The following ARFGEF2 variants were observed in gnomAD, a reference collection of about 807,000 sequenced individuals.
The protein encoded by ARFGEF2 is brefeldin A-inhibited guanine nucleotide-exchange protein 2.
Under a neutral mutation model 219.9 loss-of-function variants are expected in ARFGEF2, and 74 were observed. That is an observed-to-expected ratio of 0.34 (90% CI 0.28 to 0.41). The LOEUF is 0.41. ARFGEF2 is among the 10% of genes least tolerant of loss of function. The probability of loss-of-function intolerance (pLI) is 1.00; values close to 1 mark genes in which losing one functional copy is unlikely to be tolerated. For missense variants in ARFGEF2, 1,743 were observed against 2,218.3 expected (o/e 0.79, Z 4.30); for synonymous variants, 733 against 799.2 (o/e 0.92, Z 1.40).
chr20:48,994,559 C>T lies in ARFGEF2; in HGVS notation c.3082C>T (p.His1028Tyr). 6.2e-7 allele frequency: 1 copy of T among 1,614,086 alleles called. No homozygotes were observed. Among genetic ancestry groups the T allele is most frequent in the Non-Finnish European group, 8.5e-7 (1 of 1,180,024 alleles). Residue 1028 changes from histidine (H) to tyrosine (Y), a missense_variant, in exon 22 of 39, where the codon CAC (histidine) becomes TAC (tyrosine). This residue lies in a region of ARFGEF2 where 666 missense variants were observed against 955.4 expected (regional missense o/e 0.70). Transcript: ENST00000371917. ...GREREGSLKG[H>Y]TLAGEEFMGL... ...TGAAAGAGAAGGGAGCCTGAAGGGC[C>T]ACACATTGGCAGGAGAAGAGTTCAT...
chr20:48,942,119 G>A (rs545687175), intron 3 of ARFGEF2, 132 bp downstream of exon 3: 31 of 1,264,828 alleles, frequency 2.5e-5, no homozygotes, highest in South Asian at 1.1e-4. Context: ...GCAGTTTAAC[G>A]TATTCTTTTT....
Position 48,972,368 on chromosome 20 carries a change from A to G in ARFGEF2, c.1468A>G (p.Thr490Ala), listed in dbSNP as rs757158875. The stretch of plus-strand genomic sequence containing the variant: ...TTTCCTGAACATTTTAGAAACATCA[A>G]CAAGTTCTTTTGAGCACAGGTGGAT... ...EIFLNILETS[T>A]SSFEHRWMVI... Residue 490 changes from threonine (T) to alanine (A), a missense_variant, in exon 11 of 39, where the codon ACA (threonine) becomes GCA (alanine). Transcript: ENST00000371917. 3.1e-6 allele frequency: 5 copies of G among 1,614,200 alleles called. No homozygotes were observed. The South Asian group carries it at 5.5e-5, about 18-fold the overall frequency.
rs182995773 is a variant in ARFGEF2 at position 48,952,573 on chromosome 20, A to G, written c.424-132A>G. On this transcript the variant is annotated intron_variant, in intron 4 of 38. Transcript: ENST00000371917. ...ATCACCTAGTTTAATTTGCAGAGCC[A>G]TCTTACAATTTATTTGAAAAAAGCA... 21 of 848,576 alleles carry G rather than the reference A, an allele frequency of 2.5e-5. No homozygotes were observed. The African/African-American group carries it at 3.0e-4, about 12-fold the overall frequency. The allele number at this position is 848,576 out of a possible 1,614,324, so 52.6% of individuals were successfully genotyped here.
chr20:48,998,138 G>A (rs2091403300), intron 23 of ARFGEF2, 55 bp from the exon 24 acceptor site: 47 of 1,561,508 alleles, frequency 3.0e-5, no homozygotes, highest in Non-Finnish European at 4.0e-5. Flanking sequence ...GAGATTACAG[G>A]TGTGAGCCAC....
intron 36 of ARFGEF2, among the ~76,000 whole-genome samples, chr20:49,026,241 G>A (rs2091601494): frequency 2.0e-5 from 3 of 152,066 alleles, no homozygotes; most frequent in Admixed American, 2.0e-4. Flanking sequence ...TGAGGTGGGA[G>A]AATCACTTGA....
At chr20:49,027,451 C>T (rs572897358) in intron 36 of ARFGEF2, among the ~76,000 whole-genome samples, 2 of 152,152 alleles carry the variant, frequency 1.3e-5, no homozygotes, top group Non-Finnish European at 2.9e-5. Context: ...AATCCCAGCA[C>T]TTTGGGAGGC....
Position 49,012,101 on chromosome 20 carries a change from CT to C in ARFGEF2, c.3918+19del. ...AGGCCTCGGGTTCGTTTTTCCCCACCTTACTCAGATGGGCAGTGAAGGGAAA... is the reference window on the plus strand; with the variant it reads ...AGGCCTCGGGTTCGTTTTTCCCCACCTACTCAGATGGGCAGTGAAGGGAAA... On this transcript the variant is annotated intron_variant, in intron 28 of 38. Transcript: ENST00000371917. The C allele has an allele frequency of 6.2e-7, 1 of 1,614,176 alleles. No homozygotes were observed. The highest frequency in any genetic ancestry group is 8.5e-7 in the Non-Finnish European group (1 of 1,180,034).
At chr20:48,996,490 A>C (rs1297470091) in intron 23 of ARFGEF2, among the ~76,000 whole-genome samples, 2 of 151,896 alleles carry the variant, frequency 1.3e-5, no homozygotes, top group Non-Finnish European at 2.9e-5. Flanking sequence ...CATGCCTGTA[A>C]TCCCAGCACT....
At chr20:48,936,872 A>T (rs1364554390) in intron 1 of ARFGEF2, among the ~76,000 whole-genome samples, 1 of 151,828 alleles carries the variant, frequency 6.6e-6, no homozygotes, top group Non-Finnish European at 1.5e-5. Context: ...GCTGTTTTTC[A>T]TATGTTTTTT....
At chr20:49,021,243 A>G (rs2091563183) in intron 34 of ARFGEF2, among the ~76,000 whole-genome samples, 2 of 151,234 alleles carry the variant, frequency 1.3e-5, no homozygotes, top group Non-Finnish European at 3.0e-5. Context: ...CTCTAAGAAG[A>G]AAAAAAAAAT....
intron 25 of ARFGEF2, among the ~76,000 whole-genome samples, chr20:49,003,921 G>T (rs1880234093): frequency 1.3e-5 from 2 of 152,234 alleles, no homozygotes; most frequent in South Asian, 4.1e-4. Flanking sequence ...ATAGTCATTT[G>T]CTTTAGATGA....
At chr20:48,999,666 G>C (rs1261745429) in intron 25 of ARFGEF2, among the ~76,000 whole-genome samples, 4 of 149,872 alleles carry the variant, frequency 2.7e-5, no homozygotes, top group Non-Finnish European at 5.9e-5. Context: ...AGAATGGCGT[G>C]AACCCGGGAG....
chr20:48,922,110 C>T (rs766301296), intron 1 of ARFGEF2, 100 bp downstream of exon 1: 170 of 1,476,694 alleles, frequency 1.2e-4, no homozygotes, highest in Non-Finnish European at 1.5e-4. Context: ...CTCCGCTTCC[C>T]CCCGATCCCG....
At chr20:48,985,052 G>A (rs1306855399) in intron 15 of ARFGEF2, among the ~76,000 whole-genome samples, 1 of 152,146 alleles carries the variant, frequency 6.6e-6, no homozygotes. Context: ...GAATAAACTA[G>A]CCTCCCAGCA....
intron 21 of ARFGEF2, among the ~76,000 whole-genome samples, chr20:48,993,583 C>A (rs749258320): frequency 6.6e-6 from 1 of 152,208 alleles, no homozygotes; most frequent in Non-Finnish European, 1.5e-5. Flanking sequence ...GTCAGAAGTT[C>A]CCATGAAAAT....
At chr20:49,023,202 G>A (rs910613772) in intron 35 of ARFGEF2, 21 bp downstream of exon 35, 31 of 1,613,766 alleles carry the variant, frequency 1.9e-5, no homozygotes, top group Non-Finnish European at 2.4e-5. Context: ...GAGGCCTCAG[G>A]AAGAGCATCC....
intron 21 of ARFGEF2, among the ~76,000 whole-genome samples, chr20:48,992,696 C>T (rs2091363939): frequency 6.6e-6 from 1 of 152,210 alleles, no homozygotes; most frequent in African/African-American, 2.4e-5. Context: ...CTTTGCTCCT[C>T]TTCACCAGCC....
intron 3 of ARFGEF2, among the ~76,000 whole-genome samples, chr20:48,948,048 G>A (rs1333793482): frequency 6.6e-6 from 1 of 152,100 alleles, no homozygotes; most frequent in African/African-American, 2.4e-5. Flanking sequence ...CTTATTTCCA[G>A]AAAACTTTTG....
At chr20:48,950,809 AAAATATATAT>A (rs1446393321) in intron 3 of ARFGEF2, among the ~76,000 whole-genome samples, 468 of 41,052 alleles carry the variant, frequency 0.011, 3 homozygotes, top group South Asian at 0.04. Flanking sequence ...AAAAAAAAAA[AAAATATATAT>A]ATATATATAT....
Sources: allele counts gnomAD v4.1 joint callset (sites outside exome capture counted in the v4.1 genomes callset), GRCh38; gene constraint gnomAD v4.1.1; regional missense constraint gnomAD v4.1.1; transcripts MANE v1.5; gene names NCBI Gene and HGNC (gene_info 2026-07-23, HGNC 2026-07-21).